AK9: variants seen among roughly 807,000 people sequenced by gnomAD.
AK9 encodes adenylate kinase domain containing 1.
A neutral mutation model predicts 239.6 loss-of-function variants in AK9; 191 were observed. That is an observed-to-expected ratio of 0.80 (90% CI 0.71 to 0.90). The LOEUF (loss-of-function observed/expected upper bound fraction) is 0.90, where lower values mean the gene tolerates loss of function less well. AK9 is among the 40% of genes least tolerant of loss of function. The probability of loss-of-function intolerance (pLI) is 0.00; values close to 1 mark genes in which losing one functional copy is unlikely to be tolerated. For synonymous variants in AK9, 689 were observed against 721.0 expected, an observed-to-expected ratio of 0.96 and a Z score of 0.71; for missense variants, 1,995 against 2,214.7, an observed-to-expected ratio of 0.90 and a Z score of 1.99.
intron 24 of AK9, among the ~76,000 whole-genome samples, chr6:109,561,690 C>G (rs556054904): frequency 6.6e-6 from 1 of 152,184 alleles, no homozygotes; most frequent in Admixed American, 6.5e-5. Context: ...GAGAAATATG[C>G]TGTTATCCTT....
intron 23 of AK9, 125 bp downstream of exon 23, chr6:109,563,955 A>T (rs946735362): frequency 1.8e-6 from 2 of 1,107,046 alleles, no homozygotes; most frequent in African/African-American, 3.2e-5. Flanking sequence ...TAAGTATTTT[A>T]TACATCAGCC....
rs753962680 is a variant in AK9 at position 109,633,200 on chromosome 6, G to A, written c.1057C>T (p.Pro353Ser). The A allele has an allele frequency of 4.4e-6, 7 of 1,597,896 alleles. No individual in the cohort carries two copies. Among genetic ancestry groups the A allele is most frequent in the Non-Finnish European group, 6.0e-6 (7 of 1,176,372 alleles). The change falls in exon 11 of 41, where the codon CCA (proline) becomes TCA (serine). Residue 353 changes from proline (P) to serine (S), a missense_variant. Physicochemically the swap from Pro to Ser is moderately conservative, Grantham distance 74. This residue lies in a region of AK9 where 1,290 missense variants were observed against 1,392.7 expected (regional missense o/e 0.93). Coordinates refer to ENST00000424296, the MANE Select transcript of AK9 (RefSeq NM_001145128.3). ...LKDGNIYSGLPDYSVSFLGKI... is the reference protein window; with the variant it reads ...LKDGNIYSGLSDYSVSFLGKI... The stretch of plus-strand genomic sequence containing the variant: ...CTTACTTACCTCACAGAATAATCTG[G>A]TAATCCTGAATAAATGTTACCATCT...
At chr6:109,638,912 T>C (rs1797048198) in intron 10 of AK9, among the ~76,000 whole-genome samples, 1 of 152,218 alleles carries the variant, frequency 6.6e-6, no homozygotes, top group African/African-American at 2.4e-5. Context: ...TTTGGTTTTC[T>C]GTCCTTGCCA....
intron 1 of AK9, among the ~76,000 whole-genome samples, chr6:109,685,444 C>T (rs1773364952): frequency 6.6e-6 from 1 of 152,122 alleles, no homozygotes; most frequent in South Asian, 2.1e-4. Flanking sequence ...ATGGATGAAG[C>T]TGGAAACCAT....
At chr6:109,542,811 G>A (rs1783066923) in intron 26 of AK9, among the ~76,000 whole-genome samples, 1 of 151,906 alleles carries the variant, frequency 6.6e-6, no homozygotes, top group Admixed American at 6.6e-5. Flanking sequence ...TAAAAGTAAT[G>A]GCAAAAACAC....
At chr6:109,542,944 C>A (rs1281326371) in intron 26 of AK9, among the ~76,000 whole-genome samples, 1 of 151,920 alleles carries the variant, frequency 6.6e-6, no homozygotes, top group Non-Finnish European at 1.5e-5. Flanking sequence ...TTTGCTAAAC[C>A]TTTTTCAATT....
chr6:109,596,571 T>C (rs1237660027), intron 17 of AK9, among the ~76,000 whole-genome samples: 2 of 152,064 alleles, frequency 1.3e-5, no homozygotes, highest in Non-Finnish European at 2.9e-5. Flanking sequence ...AAGGGAGGGG[T>C]AGCTCAGGCT....
At chr6:109,568,615 C>T (rs188553574) in intron 21 of AK9, among the ~76,000 whole-genome samples, 133 of 152,128 alleles carry the variant, frequency 8.7e-4, no homozygotes, top group East Asian at 4.4e-3. Context: ...AAAAATCACA[C>T]GCATTCCTAT....
At chr6:109,501,468 G>T (rs745896078) in intron 35 of AK9, among the ~76,000 whole-genome samples, 1 of 152,204 alleles carries the variant, frequency 6.6e-6, no homozygotes, top group African/African-American at 2.4e-5. Context: ...GAGTAGGAGA[G>T]GGGGAAAGGA....
intron 19 of AK9, among the ~76,000 whole-genome samples, chr6:109,582,923 G>A (rs1789036809): frequency 6.6e-6 from 1 of 152,144 alleles, no homozygotes; most frequent in South Asian, 2.1e-4. Context: ...CAACAACACT[G>A]AGGCAAAACC....
chr6:109,554,719 A>T (rs1784773799), intron 24 of AK9, among the ~76,000 whole-genome samples: 2 of 151,788 alleles, frequency 1.3e-5, no homozygotes, highest in African/African-American at 2.4e-5. Flanking sequence ...TTTAGTACAG[A>T]CAGGGTTTCG....
intron 8 of AK9, among the ~76,000 whole-genome samples, chr6:109,649,453 G>C (rs915015378): frequency 4.1e-4 from 62 of 150,884 alleles, no homozygotes; most frequent in South Asian, 2.1e-3. Context: ...CAATAACAGA[G>C]AGCCAAATCA....
rs768295502 is a variant in AK9, at chr6:109,641,609, A to C, written c.842T>G (p.Met281Arg). ...KPAEELFMIVMDRLKYLNLKR... is the reference protein window; with the variant it reads ...KPAEELFMIVRDRLKYLNLKR... ...TAGGTTCAGATATTTAAGTCGATCC[A>C]TAACAATCTAGATTTAAAGAACAGA... Residue 281 changes from methionine (M) to arginine (R), a missense_variant, in exon 10 of 41, where the codon ATG becomes AGG. This residue lies in a region of AK9 where 1,290 missense variants were observed against 1,392.7 expected (regional missense o/e 0.93). Coordinates refer to ENST00000424296, the MANE Select transcript of AK9 (RefSeq NM_001145128.3). 6.2e-7 allele frequency: 1 copy of C among 1,609,990 alleles called. No homozygotes were observed.
In AK9 at chr6:109,675,613, A is replaced by G; in HGVS notation, c.117+16T>C. ...AAAATAAAAAAAATTATACCAAATA[A>G]TAAGAGATAACTTACTGGTTTCCCA... is the stretch of plus-strand genomic sequence containing the variant. On this transcript the variant is annotated intron_variant, in intron 2 of 40. Transcript: ENST00000424296. 1.5e-6 allele frequency: 2 copies of G among 1,374,692 alleles called. No individual in the cohort carries two copies. Among genetic ancestry groups the G allele is most frequent in the Non-Finnish European group, 1.9e-6 (2 of 1,025,764 alleles). 85.2% of individuals were successfully genotyped at this position (1,374,692 alleles called of 1,614,324 possible). A position where few individuals can be genotyped will look rare whatever the true frequency, so the allele number is the denominator to read the frequency against.
chr6:109,542,281 G>A (rs1782999528), intron 26 of AK9, 110 bp from the exon 27 acceptor site: 1 of 1,094,744 alleles, frequency 9.1e-7, no homozygotes, highest in Admixed American at 3.0e-5. Context: ...GAGGTGGAGA[G>A]TAGAATGAAA....
At chr6:109,570,861 T>G (rs573507097) in intron 21 of AK9, among the ~76,000 whole-genome samples, 1 of 152,268 alleles carries the variant, frequency 6.6e-6, no homozygotes, top group African/African-American at 2.4e-5. Flanking sequence ...GGGTAAATCA[T>G]TCACATACCA....
rs1367041375 is a variant in AK9 at position 109,572,882 on chromosome 6, A to G, written c.2344+560T>C. 4.6e-5 allele frequency among the ~76,000 whole-genome samples: 7 copies of G among 152,026 alleles called. No individual in the cohort carries two copies. In the East Asian group the frequency reaches 1.4e-3, roughly 29 times the overall value. The stretch of plus-strand genomic sequence containing the variant: ...CTCTCTAGTCCTTGGAGTGGTTTTC[A>G]TTGCCTATAGACTCCTTCTTGCCTT... On this transcript the variant is annotated intron_variant, in intron 21 of 40. Transcript: ENST00000424296.
At chr6:109,614,503 G>C in intron 13 of AK9, 23 bp from the exon 14 acceptor site, 5 of 1,542,244 alleles carry the variant, frequency 3.2e-6, no homozygotes, top group Non-Finnish European at 3.5e-6. Context: ...AATGGGTGGT[G>C]TTAGCAAAAC....
At chr6:109,549,286 G>C (rs773806724) in intron 25 of AK9, among the ~76,000 whole-genome samples, 7 of 152,154 alleles carry the variant, frequency 4.6e-5, no homozygotes, top group Non-Finnish European at 1.0e-4. Context: ...AATCAGGATG[G>C]ACTTACCCCT....
Sources: gnomAD v4.1 joint callset for allele counts (sites outside exome capture counted in the v4.1 genomes callset) on GRCh38, gnomAD v4.1.1 for gene constraint, gnomAD v4.1.1 regional missense constraint, MANE v1.5 for transcripts, NCBI Gene and HGNC (gene_info 2026-07-23, HGNC 2026-07-21) for gene names.